The following MPHOSPH10 variants were observed in gnomAD, a reference collection of about 807,000 sequenced individuals.
MPHOSPH10 encodes the protein U3 small nucleolar ribonucleoprotein MPP10.
MPHOSPH10 carries 33 observed loss-of-function variants against 77.3 expected under a neutral mutation model. The observed-to-expected ratio is 0.43, with a 90% CI of 0.32 to 0.57. The LOEUF (loss-of-function observed/expected upper bound fraction) is 0.57. Among genes scored for constraint, MPHOSPH10 ranks in the 20% least tolerant of loss-of-function variants. The pLI is 0.07. For synonymous variants in MPHOSPH10, 245 were observed against 268.0 expected, an observed-to-expected ratio of 0.91 and a Z score of 0.84; for missense variants, 708 against 780.1, an observed-to-expected ratio of 0.91 and a Z score of 1.10.
Position 71,150,045 on chromosome 2 carries a change from G to GT in MPHOSPH10, c.*31dup. 9.0e-7 allele frequency: 1 copy of GT among 1,109,080 alleles called. No individual in the cohort carries two copies. Among genetic ancestry groups the GT allele is most frequent in the Non-Finnish European group, 1.2e-6 (1 of 805,664 alleles). 68.7% of individuals were successfully genotyped at this position (1,109,080 alleles called of 1,614,324 possible). A position where few individuals can be genotyped will look rare whatever the true frequency, so the allele number is the denominator to read the frequency against. Reference sequence around the variant, plus strand: ...TTTTGAATATAATGTAAATATTAATGTGTAAGCTTATATTGTGTCATTGTT... The same window carrying GT: ...TTTTGAATATAATGTAAATATTAATGTTGTAAGCTTATATTGTGTCATTGTT... On this transcript the variant is annotated 3_prime_UTR_variant, in exon 11 of 11. Coordinates refer to ENST00000244230, the MANE Select transcript of MPHOSPH10 (RefSeq NM_005791.3).
intron 3 of MPHOSPH10, 58 bp from the exon 4 acceptor site, chr2:71,134,568 T>C (rs1268038668): frequency 6.7e-7 from 1 of 1,496,836 alleles, no homozygotes; most frequent in Non-Finnish European, 9.0e-7. Context: ...ATTTGTTTCC[T>C]TTTGTTTTTC....
rs1273773185 is a variant in MPHOSPH10, at chr2:71,132,898, G to A, written c.90G>A (p.Thr30=). The change falls in exon 2 of 11, where the codon ACG becomes ACA. Residue 30 remains threonine (T), a splice_region_variant and synonymous_variant. Transcript: ENST00000244230. Reference sequence around the variant, plus strand: ...AATCTCACTTAATTCCTCCCAATAGGATTCAAGAGGGATTGGCATCAAAGT... The same window carrying A: ...AATCTCACTTAATTCCTCCCAATAGAATTCAAGAGGGATTGGCATCAAAGT... ...KATGRPECFL[T]IQEGLASKFT... 3 of 1,596,944 alleles carry A rather than the reference G, an allele frequency of 1.9e-6. No homozygotes were observed. Among genetic ancestry groups the A allele is most frequent in the Non-Finnish European group, 2.6e-6 (3 of 1,169,092 alleles).
At chr2:71,136,240 G>A (rs907408348) in intron 4 of MPHOSPH10, among the ~76,000 whole-genome samples, 1 of 152,058 alleles carries the variant, frequency 6.6e-6, no homozygotes, top group Non-Finnish European at 1.5e-5. Flanking sequence ...ATGAGAATAG[G>A]GCCAGGCACA....
At chr2:71,138,114 G>A (rs752810088) in intron 4 of MPHOSPH10, among the ~76,000 whole-genome samples, 11 of 152,190 alleles carry the variant, frequency 7.2e-5, no homozygotes, top group Non-Finnish European at 1.0e-4. Context: ...AGAAGTTAGA[G>A]TAAGAATTTG....
chr2:71,143,108 T>C (rs1333548957), intron 7 of MPHOSPH10, among the ~76,000 whole-genome samples: 2 of 152,104 alleles, frequency 1.3e-5, no homozygotes, highest in Admixed American at 6.5e-5. Flanking sequence ...TTTGGATAAT[T>C]TTATGAAGTC....
intron 7 of MPHOSPH10, chr2:71,144,223 T>C (rs980079910): frequency 4.1e-6 from 2 of 485,256 alleles, no homozygotes; most frequent in South Asian, 2.6e-5. Context: ...TAATGGTTAC[T>C]GTAGCTCCTA....
At chr2:71,136,571 A>G (rs998724015) in intron 4 of MPHOSPH10, among the ~76,000 whole-genome samples, 1 of 75,370 alleles carries the variant, frequency 1.3e-5, no homozygotes, top group Non-Finnish European at 3.0e-5. Flanking sequence ...AAGAATATCA[A>G]AAGAATTGTT....
At chr2:71,130,952 T>C in intron 1 of MPHOSPH10, 198 bp downstream of exon 1, 1 of 578,314 alleles carries the variant, frequency 1.7e-6, no homozygotes, top group Non-Finnish European at 3.0e-6. Context: ...GATCTCTCAG[T>C]TGAGTGTTAC....
chr2:71,147,236 G>A lies in MPHOSPH10; in HGVS notation c.1558-763G>A, dbSNP rs1673732516. ...GCTAGCTTTTTTTTCTGTAAGCAAA[G>A]TCAAGATAATATTAATAGAGATCAG... On this transcript the variant is annotated intron_variant, in intron 8 of 10. Transcript: ENST00000244230. Among the ~76,000 whole-genome samples, 3 of 152,150 alleles carry A rather than the reference G, an allele frequency of 2.0e-5. No individual in the cohort carries two copies. In the South Asian group the frequency reaches 6.2e-4, roughly 32 times the overall value.
chr2:71,143,146 C>CTT (rs776519742), intron 7 of MPHOSPH10, among the ~76,000 whole-genome samples: 6 of 140,888 alleles, frequency 4.3e-5, no homozygotes, highest in African/African-American at 1.0e-4. Flanking sequence ...TCTTTTTTTT[C>CTT]TTTTTTTTTT....
chr2:71,138,028 A>G (rs189931668), intron 4 of MPHOSPH10, among the ~76,000 whole-genome samples: 1 of 152,316 alleles, frequency 6.6e-6, no homozygotes, highest in Admixed American at 6.5e-5. Flanking sequence ...CGGAGGTTGC[A>G]GTGAGCTGAG....
intron 9 of MPHOSPH10, chr2:71,148,420 A>C (rs1673757547): frequency 4.4e-6 from 1 of 228,040 alleles, no homozygotes; most frequent in Non-Finnish European, 8.8e-6. Context: ...CTTGCATTGC[A>C]TATATACTAG....
intron 4 of MPHOSPH10, among the ~76,000 whole-genome samples, chr2:71,135,634 T>C (rs997512099): frequency 7.3e-6 from 1 of 137,742 alleles, no homozygotes; most frequent in African/African-American, 2.6e-5. Flanking sequence ...GATAAAGCTG[T>C]CCTGTGAGCA....
At chr2:71,132,028 T>G (rs1305996737) in intron 1 of MPHOSPH10, among the ~76,000 whole-genome samples, 1 of 152,186 alleles carries the variant, frequency 6.6e-6, no homozygotes, top group African/African-American at 2.4e-5. Context: ...TTTCAGGTAC[T>G]CAAACATAAA....
At chr2:71,145,774 C>G (rs1489034967) in intron 8 of MPHOSPH10, among the ~76,000 whole-genome samples, 2 of 152,158 alleles carry the variant, frequency 1.3e-5, no homozygotes, top group African/African-American at 4.8e-5. Flanking sequence ...ACCCCCACCC[C>G]CACTGATCTT....
chr2:71,133,216 G>A lies in MPHOSPH10; in HGVS notation c.408G>A (p.Glu136=), dbSNP rs1673420982. Residue 136 remains glutamate, a synonymous_variant, in exon 2 of 11, where the codon GAG becomes GAA. Coordinates refer to ENST00000244230, the MANE Select transcript of MPHOSPH10 (RefSeq NM_005791.3). The part of the protein sequence containing the change: ...DKEDLEDLEE[E]EVSDMGNDDP... The stretch of plus-strand genomic sequence containing the variant: ...AGGACCTAGAAGATTTAGAGGAGGA[G>A]GAAGTGTCCGACATGGGTAATGATG... The A allele has an allele frequency of 1.9e-6, 3 of 1,614,150 alleles. No individual in the cohort carries two copies. Among genetic ancestry groups the A allele is most frequent in the South Asian group, 1.1e-5 (1 of 91,086 alleles).
At position 71,134,794 on chromosome 2, in the gene MPHOSPH10, A is replaced by C. The variant is rs1673454540; in HGVS notation, c.1095A>C (p.Glu365Asp). The change falls in exon 4 of 11, where the codon GAA (glutamate) becomes GAC (aspartate). Residue 365 changes from glutamate (E) to aspartate (D), a missense_variant. By Grantham distance (45) the Glu-to-Asp change is conservative (BLOSUM62 2). This residue lies in a region of MPHOSPH10 where 433 missense variants were observed against 432.6 expected (regional missense o/e 1.00). Transcript: ENST00000244230. ...AATCCTCCTTTGAAAAAAGACAGGAAAAGGTAATTAGTAATTTAAGGAATT... is the reference window on the plus strand; with the variant it reads ...AATCCTCCTTTGAAAAAAGACAGGACAAGGTAATTAGTAATTTAAGGAATT... ...EVKSSFEKRQEKMNEKIASLE... is the reference protein window; with the variant it reads ...EVKSSFEKRQDKMNEKIASLE... 6.4e-7 allele frequency: 1 copy of C among 1,561,950 alleles called. No individual in the cohort carries two copies. Among genetic ancestry groups the C allele is most frequent in the Non-Finnish European group, 8.7e-7 (1 of 1,148,060 alleles).
chr2:71,133,010 A>T lies in MPHOSPH10; in HGVS notation c.202A>T (p.Ile68Leu). Reference protein sequence around the residue: ...IHGSPLQKLVIENFDDEQIWQ... With the variant: ...IHGSPLQKLVLENFDDEQIWQ... Reference sequence around the variant, plus strand: ...TGGAAGCCCCTTGCAAAAACTTGTGATAGAAAATTTTGATGATGAGCAGAT... The same window carrying T: ...TGGAAGCCCCTTGCAAAAACTTGTGTTAGAAAATTTTGATGATGAGCAGAT... Residue 68 changes from isoleucine to leucine, a missense_variant, in exon 2 of 11, where the codon ATA becomes TTA. Ile to Leu is a conservative substitution (Grantham distance 5). Around this residue, in one of 3 missense-constraint regions of MPHOSPH10, gnomAD observed 433 missense variants for 432.6 expected, o/e 1.00. Coordinates refer to ENST00000244230, the MANE Select transcript of MPHOSPH10 (RefSeq NM_005791.3). 3.1e-6 allele frequency: 5 copies of T among 1,614,174 alleles called. No individual in the cohort carries two copies. The highest frequency in any genetic ancestry group is 4.2e-6 in the Non-Finnish European group (5 of 1,180,004).
rs1673796015 is a variant in MPHOSPH10, at chr2:71,150,073, G to GT, written c.*62dup. 2.1e-6 allele frequency: 2 copies of GT among 967,544 alleles called. No homozygotes were observed. Among genetic ancestry groups the GT allele is most frequent in the African/African-American group, 3.4e-5 (2 of 58,490 alleles). The allele number at this position is 967,544 out of a possible 1,614,324, so 59.9% of individuals were successfully genotyped here. On this transcript the variant is annotated 3_prime_UTR_variant, in exon 11 of 11. Coordinates refer to ENST00000244230, the MANE Select transcript of MPHOSPH10 (RefSeq NM_005791.3). ...TAAGCTTATATTGTGTCATTGTTCT[G>GT]TTTTATAATAAAATTCTTGAGAACC...
Sources: gnomAD v4.1 joint callset for allele counts (sites outside exome capture counted in the v4.1 genomes callset) on GRCh38, gnomAD v4.1.1 for gene constraint, gnomAD v4.1.1 regional missense constraint, MANE v1.5 for transcripts, NCBI Gene and HGNC (gene_info 2026-07-23, HGNC 2026-07-21) for gene names.